Variants in BCL11A observed in about 807,000 individuals in gnomAD.
BCL11A encodes B cell CLL/lymphoma 11A.
In BCL11A, 2 loss-of-function variants were observed where a neutral mutation model predicts 55.9. That is an observed-to-expected ratio of 0.04 (90% CI 0.01 to 0.11). BCL11A has a LOEUF of 0.11. Among genes scored for constraint, BCL11A ranks in the 10% least tolerant of loss-of-function variants. The pLI, the probability that BCL11A is intolerant of heterozygous loss-of-function variation, is 1.00. For missense variants in BCL11A, 817 were observed against 1,137.1 expected (o/e 0.72, Z 4.05); for synonymous variants, 465 against 473.4 (o/e 0.98, Z 0.23).
intron 3 of BCL11A, among the ~76,000 whole-genome samples, chr2:60,467,812 A>G (rs909013244): frequency 0.046 from 2,217 of 48,138 alleles, 12 homozygotes; most frequent in East Asian, 0.26. Flanking sequence ...TGGTGATGGT[A>G]CTGGTGGTGA....
intron 3 of BCL11A, among the ~76,000 whole-genome samples, chr2:60,467,138 T>TGGTGGTGATGGTGGTGGTGGTGGTGATGA (rs1676687968): frequency 1.6e-5 from 1 of 61,756 alleles, no homozygotes; most frequent in Non-Finnish European, 3.4e-5. Flanking sequence ...GATGGTGGTG[T>TGGTGGTGATGGTGGTGGTGGTGGTGATGA]TGGTGGTGAT....
chr2:60,535,987 GA>G (rs1283806187), intron 2 of BCL11A: 1 of 152,206 alleles, frequency 6.6e-6, no homozygotes, highest in Non-Finnish European at 1.5e-5. Context: ...AAATTCTAGT[GA>G]CAGAATTCCC....
At position 60,486,168 on chromosome 2, in the gene BCL11A, G is replaced by A. The variant is rs138358267; in HGVS notation, c.386-17335C>T. Among the ~76,000 whole-genome samples the A allele has an allele frequency of 9.8e-5, 15 of 152,300 alleles. No homozygotes were observed. In the East Asian group the frequency reaches 2.7e-3, roughly 27 times the overall value. On this transcript the variant is annotated intron_variant, in intron 2 of 3. Transcript: ENST00000642384. Reference sequence around the variant, plus strand: ...TGACTGAACAGCTGCTGAAAGGCAAGACATCCTAGGGAGACTGGTACTGGG... The same window carrying A: ...TGACTGAACAGCTGCTGAAAGGCAAAACATCCTAGGGAGACTGGTACTGGG...
At chr2:60,501,500 G>A (rs530972517) in intron 2 of BCL11A, among the ~76,000 whole-genome samples, 244 of 146,772 alleles carry the variant, frequency 1.7e-3, no homozygotes, top group Non-Finnish European at 2.4e-3. Flanking sequence ...TACTGACACC[G>A]CTTTCTTTTT....
intron 2 of BCL11A, among the ~76,000 whole-genome samples, chr2:60,531,668 G>A (rs995302645): frequency 2.0e-5 from 3 of 152,182 alleles, no homozygotes; most frequent in African/African-American, 7.2e-5. Flanking sequence ...TCAAGAGCGT[G>A]TTTTGGCAGT....
intron 2 of BCL11A, among the ~76,000 whole-genome samples, chr2:60,469,433 C>T (rs1677077765): frequency 1.3e-5 from 2 of 152,164 alleles, no homozygotes; most frequent in South Asian, 4.1e-4. Context: ...CTGGGCCATA[C>T]TCTAGAATCC....
rs1284574321 is a variant in BCL11A, at chr2:60,461,459, C to G, written c.1453G>C (p.Glu485Gln). 1 of 1,604,188 alleles carries G rather than the reference C, an allele frequency of 6.2e-7. No homozygotes were observed. Among genetic ancestry groups the G allele is most frequent in the South Asian group, 1.1e-5 (1 of 90,906 alleles). Residue 485 changes from glutamate to glutamine, a missense_variant, in exon 4 of 4, where the codon GAG (glutamate) becomes CAG (glutamine). Physicochemically the swap from Glu to Gln is conservative, Grantham distance 29. Coordinates refer to ENST00000642384, the MANE Select transcript of BCL11A (RefSeq NM_022893.4). ...TCCTCGTCGTCCTCCTCTTCCTCCTCGTCCCCGTTCTCCGGGATCAGGTTG... is the reference window on the plus strand; with the variant it reads ...TCCTCGTCGTCCTCCTCTTCCTCCTGGTCCCCGTTCTCCGGGATCAGGTTG... ...DPNLIPENGD[E>Q]EEEEDDEEEE...
intron 1 of BCL11A, among the ~76,000 whole-genome samples, chr2:60,549,336 A>G (rs1193038408): frequency 6.6e-6 from 1 of 151,950 alleles, no homozygotes; most frequent in African/African-American, 2.4e-5. Flanking sequence ...GCGGAGGGGG[A>G]GGGGGAAAGG....
At chr2:60,522,326 G>C (rs1290093625) in intron 2 of BCL11A, 3 of 152,026 alleles carry the variant, frequency 2.0e-5, no homozygotes, top group African/African-American at 7.2e-5. Flanking sequence ...TTAAACATAG[G>C]AACTCGTTTT....
intron 2 of BCL11A, among the ~76,000 whole-genome samples, chr2:60,540,908 C>A (rs1384058970): frequency 6.7e-6 from 1 of 148,604 alleles, no homozygotes; most frequent in Non-Finnish European, 1.5e-5. Context: ...TGCAACACAA[C>A]AAGGAATGGG....
intron 2 of BCL11A, among the ~76,000 whole-genome samples, chr2:60,473,039 A>G (rs1466248462): frequency 7.6e-6 from 1 of 130,874 alleles, no homozygotes; most frequent in Non-Finnish European, 1.9e-5. Flanking sequence ...GTGTGCATGC[A>G]TATGTGTTTG....
intron 2 of BCL11A, chr2:60,525,965 T>C (rs1558480710): frequency 1.3e-5 from 2 of 152,238 alleles, no homozygotes; most frequent in South Asian, 4.1e-4. Context: ...AAATAGTTTA[T>C]CATAATGCTC....
rs1417343107 is a variant in BCL11A, at chr2:60,458,687, G to C, written c.*1717C>G. 9.7e-7 allele frequency: 1 copy of C among 1,027,080 alleles called. No individual in the cohort carries two copies. The highest frequency in any genetic ancestry group is 6.3e-5 in the East Asian group (1 of 15,996). The allele number at this position is 1,027,080 out of a possible 1,614,324, so 63.6% of individuals were successfully genotyped here. A position where few individuals can be genotyped will look rare whatever the true frequency, so the allele number is the denominator to read the frequency against. On this transcript the variant is annotated 3_prime_UTR_variant, in exon 4 of 4. Transcript: ENST00000642384. ...AGCATTCTTGCAACTTTTCCCTTAA[G>C]TATAGACCTGTAAACTGGGAAAATT...
chr2:60,457,871 T>C lies in BCL11A; in HGVS notation c.*2533A>G, dbSNP rs1346316819. 4.8e-6 allele frequency: 5 copies of C among 1,049,264 alleles called. No homozygotes were observed. Among genetic ancestry groups the C allele is most frequent in the African/African-American group, 3.3e-5 (2 of 60,026 alleles). The allele number at this position is 1,049,264 out of a possible 1,614,324, so 65.0% of individuals were successfully genotyped here. A position where few individuals can be genotyped will look rare whatever the true frequency, so the allele number is the denominator to read the frequency against. ...ATATGTACAACCCCTATGACAGCCA[T>C]CCATGTGACATTCTAGCAGGCTCCC... On this transcript the variant is annotated 3_prime_UTR_variant, in exon 4 of 4. Transcript: ENST00000642384.
upstream of BCL11A, chr2:60,553,797 CG>C (rs1483993358): frequency 9.5e-5 from 1 of 10,574 alleles, no homozygotes; most frequent in African/African-American, 4.2e-4. Context: ...AGGTGCGGGG[CG>C]GGGGGCTCCG....
chr2:60,494,448 A>G (rs536141466), intron 2 of BCL11A, among the ~76,000 whole-genome samples: 66 of 152,288 alleles, frequency 4.3e-4, no homozygotes, highest in Non-Finnish European at 8.1e-4. Context: ...CCAAGATGGG[A>G]GTATGGGGAG....
chr2:60,498,754 G>A (rs980019640), intron 2 of BCL11A, among the ~76,000 whole-genome samples: 3 of 152,184 alleles, frequency 2.0e-5, no homozygotes, highest in Non-Finnish European at 4.4e-5. Flanking sequence ...GTCCAAGTTC[G>A]TACAGACCCA....
At position 60,478,883 on chromosome 2, in the gene BCL11A, C is replaced by G. The variant is rs558506838; in HGVS notation, c.386-10050G>C. ...AGCACCTTCCCGCCTCCCAGGCACA[C>G]AGCAGCCCAGCCTCAGTCCTCATCT... is the stretch of plus-strand genomic sequence containing the variant. On this transcript the variant is annotated intron_variant, in intron 2 of 3. Transcript: ENST00000642384. Among the ~76,000 whole-genome samples the G allele has an allele frequency of 1.1e-4, 17 of 152,368 alleles. No individual in the cohort carries two copies. In the East Asian group the frequency reaches 3.1e-3, roughly 28 times the overall value.
intron 2 of BCL11A, among the ~76,000 whole-genome samples, chr2:60,499,307 C>G (rs977050683): frequency 1.2e-4 from 19 of 152,208 alleles, no homozygotes; most frequent in South Asian, 2.1e-4. Flanking sequence ...CAGCCATACC[C>G]TTCTGGGCCA....
Sources: allele counts gnomAD v4.1 joint callset (sites outside exome capture counted in the v4.1 genomes callset), GRCh38; gene constraint gnomAD v4.1.1; transcripts MANE v1.5; gene names NCBI Gene and HGNC (gene_info 2026-07-23, HGNC 2026-07-21).